The following MID1 variants were observed in gnomAD, a reference collection of about 807,000 sequenced individuals.
MID1 encodes the protein midline 1, also known as E3 ubiquitin-protein ligase Midline-1.
In MID1, 7 loss-of-function variants were observed where a neutral mutation model predicts 40.4. That is an observed-to-expected ratio of 0.17 (90% CI 0.10 to 0.33). MID1 has a LOEUF of 0.33. MID1 is among the 10% of genes least tolerant of loss of function. The pLI, the probability that MID1 is intolerant of heterozygous loss-of-function variation, is 1.00. For synonymous variants in MID1, 229 were observed against 221.2 expected, an observed-to-expected ratio of 1.04 and a Z score of -0.31; for missense variants, 367 against 558.5, an observed-to-expected ratio of 0.66 and a Z score of 3.46.
At chrX:10,785,806 A>T (rs1338289668) in intron 1 of MID1, among the ~76,000 whole-genome samples, 1 of 112,432 alleles carries the variant, frequency 8.9e-6, no homozygotes, top group African/African-American at 3.2e-5. Context: ...CGCCTTATAC[A>T]AAAATTAATT....
intron 1 of MID1, among the ~76,000 whole-genome samples, chrX:10,609,137 A>G (rs1454291066): frequency 9.3e-6 from 1 of 107,210 alleles, no homozygotes; most frequent in Non-Finnish European, 1.9e-5. Context: ...ATATTTATAC[A>G]TATACATGCA....
chrX:10,791,144 G>A (rs1341112764), intron 1 of MID1, among the ~76,000 whole-genome samples: 2 of 112,557 alleles, frequency 1.8e-5, no homozygotes, highest in Non-Finnish European at 3.7e-5. Flanking sequence ...TTAAGTGCAC[G>A]CATGCAGGCA....
At position 10,688,206 on chromosome X, in the gene MID1, A is replaced by G. The variant is rs2043111994; in HGVS notation, c.-186-67787T>C. On this transcript the variant is annotated intron_variant, in intron 1 of 10. Coordinates refer to the MID1 transcript ENST00000380785. ...TTATTAGGAGAAAGAGGATAGAATCACATTGCATTCTTAAATGTATACACT... is the reference window on the plus strand; with the variant it reads ...TTATTAGGAGAAAGAGGATAGAATCGCATTGCATTCTTAAATGTATACACT... Among the ~76,000 whole-genome samples, 2 of 111,961 alleles carry G rather than the reference A, an allele frequency of 1.8e-5. 1 individual carries two copies. The highest frequency in any genetic ancestry group is 3.8e-5 in the Non-Finnish European group (2 of 53,217).
At chrX:10,613,732 T>TATATATATATATATAGAGAGAG (rs1482081086) in intron 1 of MID1, among the ~76,000 whole-genome samples, 1 of 17,469 alleles carries the variant, frequency 5.7e-5, no homozygotes, top group Non-Finnish European at 1.1e-4. Context: ...TATATATATA[T>TATATATATATATATAGAGAGAG]AGAGAGAGAG....
At chrX:10,477,865 G>A (rs930812649) in intron 5 of MID1, among the ~76,000 whole-genome samples, 4 of 112,558 alleles carry the variant, frequency 3.6e-5, no homozygotes, top group Non-Finnish European at 3.8e-5. Context: ...CCTTGAAAAC[G>A]TGCAGTTATC....
intron 1 of MID1, among the ~76,000 whole-genome samples, chrX:10,585,367 T>C (rs1390599789): frequency 1.8e-5 from 2 of 111,982 alleles, no homozygotes; most frequent in African/African-American, 6.5e-5. Flanking sequence ...GTGCAATAGA[T>C]TGATAATGAT....
chrX:10,529,399 A>G (rs1932899143), intron 2 of MID1, among the ~76,000 whole-genome samples: 1 of 112,163 alleles, frequency 8.9e-6, no homozygotes, highest in Non-Finnish European at 1.9e-5. Context: ...TCATGATGTG[A>G]TTATTGTCAG....
At chrX:10,587,931 T>C (rs1393156402) in intron 1 of MID1, among the ~76,000 whole-genome samples, 1 of 111,592 alleles carries the variant, frequency 9.0e-6, no homozygotes, top group Non-Finnish European at 1.9e-5. Context: ...CATATTTATC[T>C]AATTTTTAAT....
At chrX:10,725,311 T>C (rs1212128512) in intron 1 of MID1, among the ~76,000 whole-genome samples, 1 of 111,475 alleles carries the variant, frequency 9.0e-6, no homozygotes, top group Non-Finnish European at 1.9e-5. Flanking sequence ...CCCCAAGGGC[T>C]TTCCCAGTAA....
At chrX:10,571,314 C>T (rs942143664) in intron 1 of MID1, among the ~76,000 whole-genome samples, 1 of 111,594 alleles carries the variant, frequency 9.0e-6, no homozygotes, top group Non-Finnish European at 1.9e-5. Context: ...TAGTGCATCC[C>T]ACTTTTTCCA....
Position 10,637,497 on chromosome X carries a change from C to T in MID1, c.-186-17078G>A, listed in dbSNP as rs1348372730. 5.5e-5 allele frequency among the ~76,000 whole-genome samples: 6 copies of T among 108,868 alleles called. No individual in the cohort carries two copies. The East Asian group carries it at 8.6e-4, about 16-fold the overall frequency. 94.5% of individuals were successfully genotyped at this position (108,868 alleles called of 115,157 possible). ...AAAATTAGCCAGGCATGGTGGTGCACGCCTGTAATCCCAGCTACTCAGGAA... is the reference window on the plus strand; with the variant it reads ...AAAATTAGCCAGGCATGGTGGTGCATGCCTGTAATCCCAGCTACTCAGGAA... On this transcript the variant is annotated intron_variant, in intron 1 of 10. Coordinates refer to the MID1 transcript ENST00000380785.
At chrX:10,559,813 C>T (rs763118156) in intron 2 of MID1, among the ~76,000 whole-genome samples, 1 of 110,734 alleles carries the variant, frequency 9.0e-6, no homozygotes, top group Non-Finnish European at 1.9e-5. Context: ...GTTCATATTA[C>T]CTTAATTAAT....
chrX:10,536,140 G>A (rs1223756088), intron 2 of MID1, among the ~76,000 whole-genome samples: 1 of 111,101 alleles, frequency 9.0e-6, no homozygotes, highest in Non-Finnish European at 1.9e-5. Flanking sequence ...CAGGAGGATC[G>A]CCTGAGTTCA....
At chrX:10,654,799 G>A (rs925762083) in intron 1 of MID1, among the ~76,000 whole-genome samples, 2 of 112,288 alleles carry the variant, frequency 1.8e-5, no homozygotes, top group African/African-American at 6.5e-5. Context: ...AACCCACAGT[G>A]CAGTGGGGAC....
At chrX:10,753,566 C>A (rs5934930) in intron 1 of MID1, among the ~76,000 whole-genome samples, 62 of 105,685 alleles carry the variant, frequency 5.9e-4, no homozygotes, top group Middle Eastern at 4.8e-3. Flanking sequence ...GTGCACACTT[C>A]AAAAAAAAAA....
chrX:10,702,531 CTTAT>C (rs1329554098), intron 1 of MID1, among the ~76,000 whole-genome samples: 2 of 112,284 alleles, frequency 1.8e-5, no homozygotes, highest in Non-Finnish European at 3.8e-5. Context: ...TTTTAGTTAT[CTTAT>C]TTGTCTTTAA....
intron 2 of MID1, among the ~76,000 whole-genome samples, chrX:10,550,800 T>C (rs1228703244): frequency 9.0e-6 from 1 of 111,229 alleles, no homozygotes; most frequent in African/African-American, 3.3e-5. Flanking sequence ...CTTGACCCAT[T>C]GTGCGCCAGT....
At chrX:10,750,762 G>T (rs532181428) in intron 1 of MID1, among the ~76,000 whole-genome samples, 1 of 111,678 alleles carries the variant, frequency 9.0e-6, no homozygotes, top group Non-Finnish European at 1.9e-5. Context: ...TGCTACCCAC[G>T]AAAATCTGAA....
chrX:10,461,083 A>AATATATATATATATATATATATATATAT (rs35175429), intron 7 of MID1, among the ~76,000 whole-genome samples: 42 of 99,335 alleles, frequency 4.2e-4, no homozygotes, highest in African/African-American at 1.6e-3. Flanking sequence ...CAGTGAATTA[A>AATATATATATATATATATATATATATAT]ATATATATAT....
Sources: gnomAD v4.1 joint callset for allele counts (sites outside exome capture counted in the v4.1 genomes callset) on GRCh38, gnomAD v4.1.1 for gene constraint, MANE v1.5 for transcripts, NCBI Gene and HGNC (gene_info 2026-07-23, HGNC 2026-07-21) for gene names.